The following EPHA5 variants were observed in gnomAD, a reference collection of about 807,000 sequenced individuals.
The protein encoded by EPHA5 is EPH receptor A5, also known as ephrin type-A receptor 5.
A neutral mutation model predicts 105.0 loss-of-function variants in EPHA5; 60 were observed. The observed-to-expected ratio is 0.57, with a 90% CI of 0.46 to 0.71. EPHA5 has a LOEUF of 0.71. Among genes scored for constraint, EPHA5 ranks in the 30% least tolerant of loss-of-function variants. The pLI is 0.00. For synonymous variants in EPHA5, 513 were observed against 449.1 expected, an observed-to-expected ratio of 1.14 and a Z score of -1.80; for missense variants, 1,218 against 1,274.7, an observed-to-expected ratio of 0.96 and a Z score of 0.68.
At chr4:65,566,183 C>T (rs1475957738) in intron 3 of EPHA5, among the ~76,000 whole-genome samples, 2 of 151,828 alleles carry the variant, frequency 1.3e-5, no homozygotes, top group East Asian at 3.9e-4. Context: ...AATGGGGTCT[C>T]CTCTTTCTGT....
intron 7 of EPHA5, among the ~76,000 whole-genome samples, chr4:65,407,685 A>T (rs1435709887): frequency 6.6e-6 from 1 of 150,722 alleles, no homozygotes; most frequent in Admixed American, 6.6e-5. Context: ...ATTTTAATTT[A>T]ATTTATTTAT....
chr4:65,336,835 C>T (rs1369266093), intron 14 of EPHA5, among the ~76,000 whole-genome samples: 1 of 151,992 alleles, frequency 6.6e-6, no homozygotes, highest in Admixed American at 6.6e-5. Context: ...CATCAAAATA[C>T]CTAACTTAAG....
intron 3 of EPHA5, among the ~76,000 whole-genome samples, chr4:65,503,225 T>C (rs1231970683): frequency 1.3e-5 from 2 of 151,816 alleles, no homozygotes; most frequent in African/African-American, 4.8e-5. Flanking sequence ...CATCACGTAA[T>C]ATATCCGTGT....
At chr4:65,526,144 A>G (rs1360168553) in intron 3 of EPHA5, among the ~76,000 whole-genome samples, 2 of 151,924 alleles carry the variant, frequency 1.3e-5, no homozygotes, top group African/African-American at 4.8e-5. Flanking sequence ...AATCAGATAA[A>G]TTGATGTCTG....
Position 65,353,521 on chromosome 4 carries a change from C to T in EPHA5, c.2174-418G>A, listed in dbSNP as rs1439986999. On this transcript the variant is annotated intron_variant, in intron 11 of 16. Coordinates refer to ENST00000613740, the MANE Select transcript of EPHA5 (RefSeq NM_001281766.3). ...TAAGATTTACACACACACACACACA[C>T]ACACACACACACCCTTGCCAATATC... 2.0e-5 allele frequency among the ~76,000 whole-genome samples: 3 copies of T among 151,084 alleles called. No homozygotes were observed. The East Asian group carries it at 5.9e-4, about 29-fold the overall frequency.
At chr4:65,499,770 A>G (rs1320201308) in intron 3 of EPHA5, among the ~76,000 whole-genome samples, 1 of 151,394 alleles carries the variant, frequency 6.6e-6, no homozygotes, top group African/African-American at 2.4e-5. Flanking sequence ...GCCTCTGAAC[A>G]CTGTAGGAAA....
chr4:65,365,059 C>G lies in EPHA5; in HGVS notation c.2131G>C (p.Asp711His), dbSNP rs1280610278. Reference sequence around the variant, plus strand: ...TCTAAATGGATGATGTTAGGATGATCAAACTGTCCCATGATACTTGCTTCA... The same window carrying G: ...TCTAAATGGATGATGTTAGGATGATGAAACTGTCCCATGATACTTGCTTCA... ...LGEASIMGQF[D>H]HPNIIHLEGV... The change falls in exon 11 of 17, where the codon GAT (aspartate) becomes CAT (histidine). Residue 711 changes from aspartate (D) to histidine (H), a missense_variant. Asp to His is a moderately conservative substitution (Grantham distance 81). This residue lies in a region of EPHA5 where 971 missense variants were observed against 1,013.5 expected (regional missense o/e 0.96). Coordinates refer to ENST00000613740, the MANE Select transcript of EPHA5 (RefSeq NM_001281766.3). 6.2e-7 allele frequency: 1 copy of G among 1,611,582 alleles called. No homozygotes were observed. Among genetic ancestry groups the G allele is most frequent in the South Asian group, 1.1e-5 (1 of 90,990 alleles).
chr4:65,424,268 T>C (rs1015026741), intron 5 of EPHA5, among the ~76,000 whole-genome samples: 12 of 152,170 alleles, frequency 7.9e-5, no homozygotes, highest in African/African-American at 2.9e-4. Flanking sequence ...TATAAAACAA[T>C]ATATCTTCCT....
At chr4:65,525,184 C>A (rs556510580) in intron 3 of EPHA5, among the ~76,000 whole-genome samples, 1 of 151,716 alleles carries the variant, frequency 6.6e-6, no homozygotes, top group African/African-American at 2.4e-5. Flanking sequence ...CTAGTTATCT[C>A]TTTTTAATAA....
intron 5 of EPHA5, among the ~76,000 whole-genome samples, chr4:65,479,707 A>T (rs1004085543): frequency 6.6e-6 from 1 of 152,162 alleles, no homozygotes; most frequent in Non-Finnish European, 1.5e-5. Flanking sequence ...TGATATGAAA[A>T]GTGCAGTGAA....
intron 3 of EPHA5, among the ~76,000 whole-genome samples, chr4:65,504,134 T>C (rs915773788): frequency 6.6e-6 from 1 of 151,462 alleles, no homozygotes; most frequent in Admixed American, 6.6e-5. Flanking sequence ...CTATATATTT[T>C]ATAGAAGTGT....
intron 1 of EPHA5, among the ~76,000 whole-genome samples, chr4:65,663,233 A>G (rs913149177): frequency 6.6e-6 from 1 of 152,120 alleles, no homozygotes; most frequent in Admixed American, 6.6e-5. Context: ...GTTTTCAGGC[A>G]ATTTTTAAAT....
chr4:65,571,112 T>C (rs984968192), intron 3 of EPHA5, among the ~76,000 whole-genome samples: 1 of 151,880 alleles, frequency 6.6e-6, no homozygotes, highest in Admixed American at 6.6e-5. Context: ...TCAGAAAATA[T>C]AAAAGTTATT....
intron 2 of EPHA5, among the ~76,000 whole-genome samples, chr4:65,603,544 G>T (rs1743944403): frequency 6.6e-6 from 1 of 152,052 alleles, no homozygotes; most frequent in African/African-American, 2.4e-5. Flanking sequence ...TCTTGATTCT[G>T]TTCTAAAAGC....
chr4:65,472,146 G>T (rs62298056), intron 5 of EPHA5, among the ~76,000 whole-genome samples: 19,777 of 152,046 alleles, frequency 0.13, 1,759 homozygotes, highest in East Asian at 0.4. Flanking sequence ...GAACGAAGGG[G>T]CCACAGGTCC....
In EPHA5 at chr4:65,571,024, C is replaced by CT. The variant is rs1485990554; in HGVS notation, c.910+30616dup. Among the ~76,000 whole-genome samples, 9 of 151,998 alleles carry CT rather than the reference C, an allele frequency of 5.9e-5. No individual in the cohort carries two copies. In the East Asian group the frequency reaches 1.7e-3, roughly 30 times the overall value. On this transcript the variant is annotated intron_variant, in intron 3 of 16. Coordinates refer to ENST00000613740, the MANE Select transcript of EPHA5 (RefSeq NM_001281766.3). ...TTCTCTCCCTTCCGCTGCCCACTCT[C>CT]TCCTTCTTCCTCCCCCTCCCTTCTC...
intron 1 of EPHA5, among the ~76,000 whole-genome samples, chr4:65,661,858 G>A (rs1244814416): frequency 6.6e-6 from 1 of 152,126 alleles, no homozygotes; most frequent in Non-Finnish European, 1.5e-5. Context: ...TGTCTTATAA[G>A]AAAGGCAAAA....
chr4:65,417,110 G>A (rs558112868), intron 6 of EPHA5, among the ~76,000 whole-genome samples: 1 of 152,162 alleles, frequency 6.6e-6, no homozygotes, highest in Non-Finnish European at 1.5e-5. Flanking sequence ...CCTGCCAAGG[G>A]GCAGCTTCCC....
At chr4:65,416,211 G>A (rs918820337) in intron 6 of EPHA5, among the ~76,000 whole-genome samples, 34 of 151,902 alleles carry the variant, frequency 2.2e-4, no homozygotes, top group Admixed American at 2.2e-3. Flanking sequence ...TTTACGTAAA[G>A]GATTAACATT....
Sources: allele counts gnomAD v4.1 joint callset (sites outside exome capture counted in the v4.1 genomes callset), GRCh38; gene constraint gnomAD v4.1.1; regional missense constraint gnomAD v4.1.1; transcripts MANE v1.5; gene names NCBI Gene and HGNC (gene_info 2026-07-23, HGNC 2026-07-21).